Variants in GREB1 observed in about 807,000 individuals in gnomAD.
GREB1 encodes the protein protein GREB1.
In GREB1, 106 loss-of-function variants were observed where a neutral mutation model predicts 200.7. The observed-to-expected ratio is 0.53, with a 90% CI of 0.45 to 0.62. The LOEUF (loss-of-function observed/expected upper bound fraction) is 0.62, where lower values mean the gene tolerates loss of function less well. Ranked by LOEUF, GREB1 falls within the 20% of genes least tolerant of loss-of-function variation. GREB1 has a pLI of 0.00. For synonymous variants in GREB1, 1,132 were observed against 1,092.4 expected (o/e 1.04, Z -0.72); for missense variants, 2,243 against 2,556.8 (o/e 0.88, Z 2.65).
At chr2:11,627,870 C>A (rs577684740) in intron 25 of GREB1, among the ~76,000 whole-genome samples, 88 of 152,034 alleles carry the variant, frequency 5.8e-4, no homozygotes, top group African/African-American at 1.5e-3. Context: ...GGGTCGGGAG[C>A]GGAAGAGAGA....
chr2:11,575,916 A>T (rs1291324392), intron 4 of GREB1, among the ~76,000 whole-genome samples: 4 of 152,182 alleles, frequency 2.6e-5, no homozygotes, highest in African/African-American at 7.2e-5. Context: ...AAGCACGTTA[A>T]ATCTTCCAAG....
chr2:11,522,642 G>A (rs1179598571), intron 1 of GREB1, among the ~76,000 whole-genome samples: 2 of 152,018 alleles, frequency 1.3e-5, no homozygotes, highest in Non-Finnish European at 2.9e-5. Flanking sequence ...CCTACTTTAG[G>A]GAGTTCAAGT....
chr2:11,564,719 C>A (rs945413896), intron 3 of GREB1, among the ~76,000 whole-genome samples: 4 of 152,328 alleles, frequency 2.6e-5, no homozygotes, highest in African/African-American at 9.6e-5. Flanking sequence ...AGGGAATTGA[C>A]CTCCCTTTCC....
At chr2:11,571,209 T>G (rs942331013) in intron 4 of GREB1, among the ~76,000 whole-genome samples, 1 of 152,200 alleles carries the variant, frequency 6.6e-6, no homozygotes, top group African/African-American at 2.4e-5. Context: ...ACTGTTTATT[T>G]TCAGGCACGG....
Position 11,610,984 on chromosome 2 carries a change from G to C in GREB1, c.2963G>C (p.Ser988Thr). ...EHFEIILGSP[S>T]SGVTVGKHFV... ...TTTGAGATCATCCTGGGCAGTCCCA[G>C]CTCAGGCGTCACCGTGGGGAAGCAC... Residue 988 changes from serine (S) to threonine (T), a missense_variant, in exon 18 of 33, where the codon AGC becomes ACC. Transcript: ENST00000381486. 1 of 1,606,198 alleles carries C rather than the reference G, an allele frequency of 6.2e-7. No homozygotes were observed. The highest frequency in any genetic ancestry group is 8.5e-7 in the Non-Finnish European group (1 of 1,176,558).
At chr2:11,601,265 G>A (rs976476192) in intron 16 of GREB1, among the ~76,000 whole-genome samples, 57 of 152,196 alleles carry the variant, frequency 3.7e-4, no homozygotes, top group Non-Finnish European at 6.3e-4. Flanking sequence ...AGCAGCATGT[G>A]GAATGTTTGT....
At chr2:11,570,951 G>A (rs1297794871) in intron 4 of GREB1, among the ~76,000 whole-genome samples, 1 of 152,044 alleles carries the variant, frequency 6.6e-6, no homozygotes, top group Non-Finnish European at 1.5e-5. Context: ...TGGAATCCTG[G>A]TACGGCTCCT....
At chr2:11,516,709 C>T (rs1673517336) in intron 1 of GREB1, among the ~76,000 whole-genome samples, 1 of 152,190 alleles carries the variant, frequency 6.6e-6, no homozygotes. Context: ...ATTCCTGACT[C>T]CCTGCAGGAT....
rs765048083 is a variant in GREB1, at chr2:11,556,674, T to A, written c.60T>A (p.Asn20Lys). 6.2e-7 allele frequency: 1 copy of A among 1,613,950 alleles called. No individual in the cohort carries two copies. The highest frequency in any genetic ancestry group is 1.7e-5 in the Admixed American group (1 of 60,018). ...KTTRFEEVLH[N>K]SIEASLRSNN... ...CACGCTTTGAAGAGGTCTTGCACAA[T>A]TCCATCGAGGCATCCCTGCGGTCCA... is the stretch of plus-strand genomic sequence containing the variant. Residue 20 changes from asparagine to lysine, a missense_variant, in exon 2 of 33, where the codon AAT becomes AAA. Coordinates refer to ENST00000381486, the MANE Select transcript of GREB1 (RefSeq NM_014668.4).
intron 1 of GREB1, among the ~76,000 whole-genome samples, chr2:11,516,674 G>T (rs1297075678): frequency 6.9e-6 from 1 of 145,054 alleles, no homozygotes; most frequent in East Asian, 1.9e-4. Flanking sequence ...AGGGCCAAAC[G>T]GCCTTACCCA....
chr2:11,588,200 G>T, intron 9 of GREB1: 3 of 790,200 alleles, frequency 3.8e-6, no homozygotes, highest in Non-Finnish European at 4.7e-6. Flanking sequence ...CTGCACTCCA[G>T]CCCGGGGACA....
chr2:11,636,822 G>GGAGAGA (rs766764413), intron 30 of GREB1, among the ~76,000 whole-genome samples: 4 of 143,806 alleles, frequency 2.8e-5, no homozygotes, highest in East Asian at 2.0e-4. Context: ...ACAGAGGCAG[G>GGAGAGA]GGCAGGGACA....
intron 1 of GREB1, among the ~76,000 whole-genome samples, chr2:11,509,097 G>A (rs900405486): frequency 2.8e-5 from 4 of 142,418 alleles, no homozygotes; most frequent in African/African-American, 8.0e-5. Context: ...GGATGGTCTC[G>A]ATCTCCTGAC....
intron 1 of GREB1, among the ~76,000 whole-genome samples, chr2:11,535,404 T>C (rs1674247341): frequency 6.6e-6 from 1 of 152,110 alleles, no homozygotes; most frequent in African/African-American, 2.4e-5. Context: ...TATTTATTTA[T>C]TTATTTTTAA....
intron 1 of GREB1, among the ~76,000 whole-genome samples, chr2:11,537,651 TATATAAAA>T (rs1162409179): frequency 3.4e-5 from 5 of 146,422 alleles, no homozygotes; most frequent in East Asian, 1.9e-4. Flanking sequence ...GTTTATATAT[TATATAAAA>T]ATATAAAAAT....
At chr2:11,501,905 G>GTTTTTTTTTTTTTTTTTTTTT (rs1204074491) in intron 1 of GREB1, among the ~76,000 whole-genome samples, 1 of 61,550 alleles carries the variant, frequency 1.6e-5, no homozygotes, top group Non-Finnish European at 2.8e-5. Context: ...GTTTTTTTTT[G>GTTTTTTTTTTTTTTTTTTTTT]TTTTTTTTTT....
chr2:11,629,446 C>G lies in GREB1; in HGVS notation c.4450-502C>G, dbSNP rs979652096. ...CACACCTGTAAAATGGGGATGATGA[C>G]AGTACTGCTTTGTAGGATTGTTAAT... On this transcript the variant is annotated intron_variant, in intron 25 of 32. Transcript: ENST00000381486. This position sits in a 1 kb window ranked among gnomAD's most constrained non-coding sequence, Gnocchi z 5.2. Among the ~76,000 whole-genome samples the G allele has an allele frequency of 1.5e-4, 23 of 152,142 alleles. No homozygotes were observed. The highest frequency in any genetic ancestry group is 5.3e-4 in the African/African-American group (22 of 41,410).
intron 1 of GREB1, among the ~76,000 whole-genome samples, chr2:11,521,013 G>T (rs1010176646): frequency 2.0e-5 from 3 of 152,170 alleles, no homozygotes; most frequent in Admixed American, 1.3e-4. Context: ...GCCCTCTGCC[G>T]TGTGGGCTCC....
intron 4 of GREB1, among the ~76,000 whole-genome samples, chr2:11,575,868 A>G (rs1419923901): frequency 1.3e-5 from 2 of 152,206 alleles, no homozygotes; most frequent in African/African-American, 2.4e-5. Flanking sequence ...CTTGTCTTGC[A>G]AAGTTTGCTC....
Sources: allele counts gnomAD v4.1 joint callset (sites outside exome capture counted in the v4.1 genomes callset), GRCh38; gene constraint gnomAD v4.1.1; non-coding constraint Gnocchi (gnomAD v3.1); transcripts MANE v1.5; gene names NCBI Gene and HGNC (gene_info 2026-07-23, HGNC 2026-07-21).